LHFPL3: variants seen among roughly 807,000 people sequenced by gnomAD.
LHFPL3 encodes the protein LHFPL tetraspan subfamily member 3, also known as LHFPL tetraspan subfamily member 3 protein.
Under a neutral mutation model 19.3 loss-of-function variants are expected in LHFPL3, and 5 were observed. The observed-to-expected ratio is 0.26, with a 90% CI of 0.14 to 0.54. The LOEUF (loss-of-function observed/expected upper bound fraction) is 0.54. Among genes scored for constraint, LHFPL3 ranks in the 20% least tolerant of loss-of-function variants. LHFPL3 has a pLI of 0.94. For synonymous variants in LHFPL3, 133 were observed against 126.2 expected, an observed-to-expected ratio of 1.05 and a Z score of -0.36; for missense variants, 249 against 307.4, an observed-to-expected ratio of 0.81 and a Z score of 1.42.
chr7:104,476,730 G>A, intron 1 of LHFPL3, among the ~76,000 whole-genome samples: 1 of 152,096 alleles, frequency 6.6e-6, no homozygotes, highest in African/African-American at 2.4e-5. Flanking sequence ...AGAGTGCTGG[G>A]ATTACAGGCA....
chr7:104,337,305 G>C (rs73421532), intron 1 of LHFPL3, among the ~76,000 whole-genome samples: 1 of 151,998 alleles, frequency 6.6e-6, no homozygotes, highest in Non-Finnish European at 1.5e-5. Flanking sequence ...GAAATTCAGG[G>C]TTGGAAAGCC....
intron 1 of LHFPL3, among the ~76,000 whole-genome samples, chr7:104,731,209 G>C (rs1793697857): frequency 6.6e-6 from 1 of 152,166 alleles, no homozygotes; most frequent in East Asian, 1.9e-4. Flanking sequence ...TTTGGCTTAG[G>C]ATTGACTTGG....
rs145958540 is a variant in LHFPL3 at position 104,857,394 on chromosome 7, C to G, written c.683-48793C>G. 1.6e-3 allele frequency among the ~76,000 whole-genome samples: 248 copies of G among 152,236 alleles called. 2 individuals are homozygous for G. The highest frequency in any genetic ancestry group is 5.7e-3 in the African/African-American group (238 of 41,532). ...TTCATTCTATATTATTTTACTCATT[C>G]TATATTATGGATTCATGAAGTATAC... On this transcript the variant is annotated intron_variant, in intron 2 of 2. Transcript: ENST00000424859.
intron 2 of LHFPL3, among the ~76,000 whole-genome samples, chr7:104,904,357 A>ACG (rs996519045): frequency 2.0e-5 from 3 of 152,204 alleles, no homozygotes; most frequent in Non-Finnish European, 4.4e-5. Context: ...GGGCTCTGTG[A>ACG]CGCAAAACCT....
At chr7:104,481,132 C>T (rs536231128) in intron 1 of LHFPL3, among the ~76,000 whole-genome samples, 4 of 152,312 alleles carry the variant, frequency 2.6e-5, no homozygotes, top group South Asian at 2.1e-4. Flanking sequence ...CACTCCTTAA[C>T]AACTGAGAAG....
chr7:104,812,751 C>T (rs547671475), intron 2 of LHFPL3, among the ~76,000 whole-genome samples: 46 of 127,446 alleles, frequency 3.6e-4, no homozygotes, highest in Non-Finnish European at 5.7e-4. Flanking sequence ...TCACAATGAG[C>T]GAAGATCGCA....
At chr7:104,570,405 A>C (rs1790210478) in intron 1 of LHFPL3, among the ~76,000 whole-genome samples, 1 of 152,056 alleles carries the variant, frequency 6.6e-6, no homozygotes. Flanking sequence ...CAAGAGCTCC[A>C]CTCTTTATGT....
At chr7:104,675,915 G>A (rs2116063828) in intron 1 of LHFPL3, among the ~76,000 whole-genome samples, 1 of 152,220 alleles carries the variant, frequency 6.6e-6, no homozygotes, top group South Asian at 2.1e-4. Flanking sequence ...TAGAGATGAG[G>A]GCAAAGGGCA....
chr7:104,851,306 G>C (rs1383211193), intron 2 of LHFPL3, among the ~76,000 whole-genome samples: 1 of 152,178 alleles, frequency 6.6e-6, no homozygotes, highest in Admixed American at 6.5e-5. Flanking sequence ...CTGAGCATGG[G>C]GATACATCTT....
intron 2 of LHFPL3, among the ~76,000 whole-genome samples, chr7:104,766,103 T>C (rs1584522562): frequency 2.0e-5 from 3 of 152,342 alleles, no homozygotes; most frequent in African/African-American, 7.2e-5. Flanking sequence ...GAAATCCATA[T>C]GATGATACGG....
At chr7:104,858,893 C>A (rs1025359055) in intron 2 of LHFPL3, among the ~76,000 whole-genome samples, 19 of 152,002 alleles carry the variant, frequency 1.2e-4, no homozygotes, top group African/African-American at 4.1e-4. Context: ...TGCAGGACCA[C>A]TACCTGCACA....
intron 2 of LHFPL3, among the ~76,000 whole-genome samples, chr7:104,871,536 A>G (rs115181083): frequency 0.011 from 1,649 of 152,280 alleles, 36 homozygotes; most frequent in African/African-American, 0.038. Flanking sequence ...TCTTTCCTCA[A>G]TAATAAAATT....
chr7:104,430,386 A>ATGTATATATATATATATATATG lies in LHFPL3; in HGVS notation c.445+101163_445+101164insGTATATATATATATATATATGT. Among the ~76,000 whole-genome samples the ATGTATATATATATATATATATG allele has an allele frequency of 1.5e-3, 64 of 41,818 alleles. 3 individuals carry two copies. Among genetic ancestry groups the ATGTATATATATATATATATATG allele is most frequent in the Non-Finnish European group, 1.9e-3 (49 of 25,584 alleles). The allele number at this position is 41,818 out of a possible 152,430, so 27.4% of individuals were successfully genotyped here. ...TTTCTGTGGGTATATATATATACAT[A>ATGTATATATATATATATATATG]TATATATATATATATATACATATAT... On this transcript the variant is annotated intron_variant, in intron 1 of 2. Coordinates refer to ENST00000424859, the MANE Select transcript of LHFPL3 (RefSeq NM_199000.3).
chr7:104,756,120 T>C (rs1365536767), intron 2 of LHFPL3, among the ~76,000 whole-genome samples: 1 of 152,122 alleles, frequency 6.6e-6, no homozygotes, highest in Non-Finnish European at 1.5e-5. Flanking sequence ...GGATAAATAG[T>C]GCTGTTTGGG....
At chr7:104,401,677 A>G (rs1791314263) in intron 1 of LHFPL3, among the ~76,000 whole-genome samples, 1 of 152,224 alleles carries the variant, frequency 6.6e-6, no homozygotes, top group Non-Finnish European at 1.5e-5. Context: ...AGCAGTCAAG[A>G]CCAACTAGAT....
chr7:104,865,770 TTC>T (rs1376356513), intron 2 of LHFPL3, among the ~76,000 whole-genome samples: 4 of 152,094 alleles, frequency 2.6e-5, no homozygotes, highest in African/African-American at 9.7e-5. Context: ...AGACACATAA[TTC>T]TCAGATTCAC....
rs188489774 is a variant in LHFPL3, at chr7:104,737,536, G to A, written c.682+625G>A. ...CCTTCTGAAACACAAAGAAAACCAG[G>A]ATGGAAAATAGAACATTGACTATTG... On this transcript the variant is annotated intron_variant, in intron 2 of 2. Coordinates refer to ENST00000424859, the MANE Select transcript of LHFPL3 (RefSeq NM_199000.3). 1.2e-3 allele frequency among the ~76,000 whole-genome samples: 185 copies of A among 152,248 alleles called. 1 individual carries two copies. The highest frequency in any genetic ancestry group is 4.4e-3 in the African/African-American group (181 of 41,556).
chr7:104,731,716 T>G (rs1454785384), intron 1 of LHFPL3, among the ~76,000 whole-genome samples: 3 of 151,782 alleles, frequency 2.0e-5, no homozygotes, highest in Non-Finnish European at 4.4e-5. Flanking sequence ...ACCCTTTATT[T>G]CTTTCTCCTG....
At chr7:104,586,554 T>C (rs1790582616) in intron 1 of LHFPL3, among the ~76,000 whole-genome samples, 1 of 152,176 alleles carries the variant, frequency 6.6e-6, no homozygotes, top group Non-Finnish European at 1.5e-5. Flanking sequence ...TTCTATTACC[T>C]CTCACCTTAC....
Sources: gnomAD v4.1 joint callset for allele counts (sites outside exome capture counted in the v4.1 genomes callset) on GRCh38, gnomAD v4.1.1 for gene constraint, MANE v1.5 for transcripts, NCBI Gene and HGNC (gene_info 2026-07-23, HGNC 2026-07-21) for gene names.